RELN: variants seen among roughly 807,000 people sequenced by gnomAD.
RELN encodes the protein reelin.
A neutral mutation model predicts 427.6 loss-of-function variants in RELN; 108 were observed. The ratio of observed to expected loss-of-function variants is 0.25; its 90% CI spans 0.22 to 0.30. The LOEUF (loss-of-function observed/expected upper bound fraction) is 0.30, where lower values mean the gene tolerates loss of function less well. Ranked by LOEUF, RELN falls within the 10% of genes least tolerant of loss-of-function variation. The pLI is 1.00. For synonymous variants in RELN, 1,524 were observed against 1,513.4 expected (o/e 1.01, Z -0.16); for missense variants, 3,715 against 4,302.8 (o/e 0.86, Z 3.82).
intron 4 of RELN, among the ~76,000 whole-genome samples, chr7:103,757,821 A>G (rs1294535458): frequency 6.6e-6 from 1 of 152,156 alleles, no homozygotes; most frequent in Non-Finnish European, 1.5e-5. Context: ...CTGTACCCAG[A>G]GAGATCACTG....
chr7:103,682,606 A>G (rs1200714185), intron 10 of RELN, among the ~76,000 whole-genome samples: 1 of 152,216 alleles, frequency 6.6e-6, no homozygotes, highest in Non-Finnish European at 1.5e-5. Context: ...CATGTATTTC[A>G]AATTCTGTGG....
intron 2 of RELN, among the ~76,000 whole-genome samples, chr7:103,885,302 G>A (rs911111280): frequency 1.3e-5 from 2 of 151,038 alleles, no homozygotes; most frequent in Admixed American, 1.3e-4. Context: ...CAGCACCACT[G>A]CACTCCAGGC....
At chr7:103,689,468 G>A (rs1007036624) in intron 10 of RELN, among the ~76,000 whole-genome samples, 4 of 151,948 alleles carry the variant, frequency 2.6e-5, no homozygotes, top group Non-Finnish European at 5.9e-5. Flanking sequence ...CTGTGAGTGA[G>A]CAAAGCACTT....
At chr7:103,741,697 G>A (rs1299980480) in intron 6 of RELN, among the ~76,000 whole-genome samples, 3 of 151,762 alleles carry the variant, frequency 2.0e-5, no homozygotes, top group African/African-American at 7.3e-5. Context: ...CAGGGAGGGA[G>A]GGAAAGAGAG....
intron 1 of RELN, among the ~76,000 whole-genome samples, chr7:103,933,056 T>C (rs1421742193): frequency 6.6e-6 from 1 of 152,156 alleles, no homozygotes. Flanking sequence ...TGGTGTTTTA[T>C]AAATACTACC....
intron 4 of RELN, 81 bp from the exon 5 acceptor site, chr7:103,753,295 A>G: frequency 2.1e-6 from 3 of 1,454,426 alleles, no homozygotes; most frequent in Non-Finnish European, 2.9e-6. Flanking sequence ...CAACACAGTT[A>G]TAAAACTTAA....
intron 2 of RELN, among the ~76,000 whole-genome samples, chr7:103,852,504 G>A (rs141607182): frequency 6.6e-4 from 101 of 152,244 alleles, no homozygotes; most frequent in African/African-American, 2.2e-3. Context: ...CATAATCAAT[G>A]TATGTAAAGT....
intron 11 of RELN, among the ~76,000 whole-genome samples, chr7:103,680,977 C>T (rs1231432831): frequency 6.6e-6 from 1 of 152,084 alleles, no homozygotes. Flanking sequence ...TTCCCTGAGG[C>T]AGGGAGGAGC....
intron 11 of RELN, among the ~76,000 whole-genome samples, chr7:103,681,449 C>T (rs977437151): frequency 6.6e-5 from 10 of 152,074 alleles, no homozygotes; most frequent in Admixed American, 6.6e-4. Context: ...AAATTTACCT[C>T]CATATCACGT....
At chr7:103,658,504 C>A (rs750175591) in intron 12 of RELN, among the ~76,000 whole-genome samples, 26 of 152,032 alleles carry the variant, frequency 1.7e-4, no homozygotes, top group African/African-American at 2.2e-4. Flanking sequence ...CCACCATATT[C>A]CATCCTACCA....
chr7:103,697,435 CT>C (rs1172488113), intron 10 of RELN, among the ~76,000 whole-genome samples: 4 of 152,068 alleles, frequency 2.6e-5, no homozygotes. Context: ...CCCCCCAGGT[CT>C]GGATTTGGTA....
intron 51 of RELN, among the ~76,000 whole-genome samples, chr7:103,507,007 CA>C (rs1350502724): frequency 6.6e-5 from 10 of 152,152 alleles, no homozygotes; most frequent in African/African-American, 2.4e-4. Flanking sequence ...TATATGCACC[CA>C]ATACAGAGGA....
intron 6 of RELN, among the ~76,000 whole-genome samples, chr7:103,747,661 T>G (rs1790879229): frequency 7.0e-6 from 1 of 143,276 alleles, no homozygotes; most frequent in East Asian, 2.0e-4. Flanking sequence ...TTTTTTTTTT[T>G]TGGAATCTTA....
intron 20 of RELN, among the ~76,000 whole-genome samples, chr7:103,623,421 T>C (rs986856522): frequency 6.6e-6 from 1 of 152,238 alleles, no homozygotes; most frequent in Non-Finnish European, 1.5e-5. Context: ...AGGAAAATCC[T>C]AACAAAATTT....
chr7:103,884,405 T>C (rs1052683900), intron 2 of RELN, among the ~76,000 whole-genome samples: 2 of 152,202 alleles, frequency 1.3e-5, no homozygotes, highest in East Asian at 1.9e-4. Flanking sequence ...CCAAAAGCAA[T>C]GGCAACAAAA....
At chr7:103,582,625 G>A (rs1831178190) in intron 28 of RELN, among the ~76,000 whole-genome samples, 1 of 152,112 alleles carries the variant, frequency 6.6e-6, no homozygotes, top group South Asian at 2.1e-4. Context: ...CCTACCAAAG[G>A]CTGTAGTGTA....
intron 28 of RELN, among the ~76,000 whole-genome samples, chr7:103,580,881 T>C (rs551050261): frequency 6.6e-6 from 1 of 152,288 alleles, no homozygotes; most frequent in East Asian, 1.9e-4. Flanking sequence ...AGCAATGATG[T>C]GCCACTTGAT....
intron 2 of RELN, among the ~76,000 whole-genome samples, chr7:103,872,300 G>T (rs1367280637): frequency 7.5e-6 from 1 of 133,754 alleles, no homozygotes; most frequent in African/African-American, 2.6e-5. Flanking sequence ...ACCTATAAGT[G>T]AGAATATGCG....
rs1797158521 is a variant in RELN at position 103,988,871 on chromosome 7, A to G, written c.226+260T>C. Among the ~76,000 whole-genome samples, 1 of 152,208 alleles carries G rather than the reference A, an allele frequency of 6.6e-6. No homozygotes were observed. The highest frequency in any genetic ancestry group is 2.4e-5 in the African/African-American group (1 of 41,456). On this transcript the variant is annotated intron_variant, in intron 1 of 64. Coordinates refer to ENST00000428762, the MANE Select transcript of RELN (RefSeq NM_005045.4). The surrounding 1 kb of genome is among the most constrained non-coding windows in gnomAD (Gnocchi z 4.9). ...TGAGGGGGAAAGACACCGGCCTCCA[A>G]GAATTCTCAGGCGTTTAGCACAAGC...
Sources: gnomAD v4.1 joint callset for allele counts (sites outside exome capture counted in the v4.1 genomes callset) on GRCh38, gnomAD v4.1.1 for gene constraint, Gnocchi (gnomAD v3.1) non-coding constraint, MANE v1.5 for transcripts, NCBI Gene and HGNC (gene_info 2026-07-23, HGNC 2026-07-21) for gene names.